Variants in CELF2 observed in about 807,000 individuals in gnomAD.
CELF2 encodes the protein CUG triplet repeat RNA-binding protein 2.
Under a neutral mutation model 62.6 loss-of-function variants are expected in CELF2, and 8 were observed. The observed-to-expected ratio is 0.13, with a 90% CI of 0.07 to 0.23. CELF2 has a LOEUF of 0.23. CELF2 is among the 10% of genes least tolerant of loss of function. The probability of loss-of-function intolerance (pLI) is 1.00; values close to 1 mark genes in which losing one functional copy is unlikely to be tolerated. For synonymous variants in CELF2, 258 were observed against 250.0 expected, an observed-to-expected ratio of 1.03 and a Z score of -0.30; for missense variants, 333 against 671.0, an observed-to-expected ratio of 0.50 and a Z score of 5.56.
the CELF2 span, among the ~76,000 whole-genome samples, chr10:10,490,643 A>G: frequency 6.6e-6 from 1 of 152,168 alleles, no homozygotes; most frequent in Non-Finnish European, 1.5e-5. Flanking sequence ...GTACACACAC[A>G]TTACATAAAA....
At chr10:10,580,699 A>C in the CELF2 span, among the ~76,000 whole-genome samples, 2 of 152,264 alleles carry the variant, frequency 1.3e-5, no homozygotes, top group Non-Finnish European at 2.9e-5. Flanking sequence ...ACATTAGAGA[A>C]AATAGAATCT....
chr10:11,128,885 A>C (rs529510685), intron 1 of CELF2, among the ~76,000 whole-genome samples: 1 of 152,288 alleles, frequency 6.6e-6, no homozygotes, highest in African/African-American at 2.4e-5. Context: ...CTCTTGACTG[A>C]TTGCCCTGGC....
intron 2 of CELF2, among the ~76,000 whole-genome samples, chr10:11,181,225 T>C (rs2073270137): frequency 6.6e-6 from 1 of 152,172 alleles, no homozygotes; most frequent in African/African-American, 2.4e-5. Flanking sequence ...CTTTTAACCA[T>C]GACATTGTCC....
the CELF2 span, among the ~76,000 whole-genome samples, chr10:10,751,658 G>A: frequency 6.6e-6 from 1 of 152,152 alleles, no homozygotes; most frequent in Non-Finnish European, 1.5e-5. Context: ...CCATGACTAA[G>A]CTTTTGTTCA....
intron 2 of CELF2, among the ~76,000 whole-genome samples, chr10:10,962,179 G>A (rs2049585100): frequency 6.6e-6 from 1 of 152,126 alleles, no homozygotes; most frequent in African/African-American, 2.4e-5. Context: ...GAAAAAAGAG[G>A]GAGGCTCTCC....
chr10:10,852,048 TA>T (rs2059413377), intron 1 of CELF2, among the ~76,000 whole-genome samples: 1 of 152,236 alleles, frequency 6.6e-6, no homozygotes, highest in Non-Finnish European at 1.5e-5. Flanking sequence ...TGTAGTTTCT[TA>T]AAAAGTTAAA....
chr10:10,985,665 A>G (rs2052661570), intron 2 of CELF2, among the ~76,000 whole-genome samples: 1 of 152,258 alleles, frequency 6.6e-6, no homozygotes, highest in Non-Finnish European at 1.5e-5. Flanking sequence ...CCGCAGCCAT[A>G]CTTAAATGAT....
chr10:10,658,900 C>A, the CELF2 span, among the ~76,000 whole-genome samples: 1 of 152,038 alleles, frequency 6.6e-6, no homozygotes, highest in African/African-American at 2.4e-5. Context: ...TTTAGAATTA[C>A]AGAAACTACA....
the CELF2 span, among the ~76,000 whole-genome samples, chr10:10,561,928 C>G: frequency 2.0e-5 from 3 of 152,286 alleles, no homozygotes; most frequent in Non-Finnish European, 1.5e-5. Context: ...CCTGCTCTCA[C>G]TTTCTCCTTG....
intron 2 of CELF2, among the ~76,000 whole-genome samples, chr10:10,985,393 G>A (rs1332106932): frequency 1.3e-5 from 2 of 151,196 alleles, no homozygotes; most frequent in Non-Finnish European, 2.9e-5. Flanking sequence ...ATTTGTAATT[G>A]ACAATTAAAT....
At chr10:10,754,535 T>G in the CELF2 span, among the ~76,000 whole-genome samples, 1 of 152,188 alleles carries the variant, frequency 6.6e-6, no homozygotes, top group Non-Finnish European at 1.5e-5. Context: ...GGAAGCATGA[T>G]CAGGAAGAAG....
chr10:11,185,996 C>T lies in CELF2; in HGVS notation c.271+20314C>T, dbSNP rs138478039. Among the ~76,000 whole-genome samples the T allele has an allele frequency of 4.6e-3, 698 of 152,304 alleles. 5 individuals carry two copies. Among genetic ancestry groups the T allele is most frequent in the African/African-American group, 0.016 (665 of 41,550 alleles). On this transcript the variant is annotated intron_variant, in intron 2 of 12. Transcript: ENST00000633077. ...AACTATGTAAGAAGGTTTTTAACTA[C>T]AAATTGAATTTCTTTAGTACCTATA...
the CELF2 span, among the ~76,000 whole-genome samples, chr10:10,502,493 G>A: frequency 6.6e-6 from 1 of 151,902 alleles, no homozygotes; most frequent in Non-Finnish European, 1.5e-5. Flanking sequence ...GTGAATTGTG[G>A]TAGCTTTGTG....
In CELF2 at chr10:10,840,261, G is replaced by C. The variant is rs560688234; in HGVS notation, c.53+41444G>C. ...TTGCTGCAGCATAAGTGAAGACTCT[G>C]TTTAGCTTTGTGAGAAACTGGCAAA... On this transcript the variant is annotated intron_variant, in intron 1 of 13. Transcript: ENST00000636488. 5.3e-5 allele frequency among the ~76,000 whole-genome samples: 8 copies of C among 152,276 alleles called. No homozygotes were observed. In the South Asian group the frequency reaches 1.7e-3, roughly 32 times the overall value.
rs796857171 is a variant in CELF2, at chr10:10,908,214, A to ATTT, written c.54-11729_54-11727dup. On this transcript the variant is annotated intron_variant, in intron 1 of 13. Transcript: ENST00000636488. ...TCCTTGTCAAAGAATGTATGAGGGG[A>ATTT]TTTTTTTTTTTTTTTTTTTTTTTGA... Among the ~76,000 whole-genome samples the ATTT allele has an allele frequency of 3.3e-3, 276 of 83,714 alleles. 31 individuals are homozygous for ATTT. Among genetic ancestry groups the ATTT allele is most frequent in the African/African-American group, 0.013 (258 of 20,620 alleles). 54.9% of individuals were successfully genotyped at this position (83,714 alleles called of 152,430 possible).
At chr10:10,917,222 T>C (rs1329330604) in intron 1 of CELF2, among the ~76,000 whole-genome samples, 3 of 152,192 alleles carry the variant, frequency 2.0e-5, no homozygotes, top group Non-Finnish European at 2.9e-5. Context: ...CAGGTGCTCT[T>C]AGAGGCCTCA....
chr10:11,264,063 A>T (rs146780487), intron 5 of CELF2, among the ~76,000 whole-genome samples: 5 of 152,230 alleles, frequency 3.3e-5, no homozygotes, highest in African/African-American at 1.2e-4. Context: ...ACCACTGCCA[A>T]TAGAATTAAA....
At chr10:11,231,185 C>T (rs530836043) in intron 3 of CELF2, among the ~76,000 whole-genome samples, 43 of 152,316 alleles carry the variant, frequency 2.8e-4, no homozygotes, top group East Asian at 1.7e-3. Flanking sequence ...ATTCTTCCTT[C>T]TTGTGAATCT....
At chr10:10,482,872 C>T in the CELF2 span, among the ~76,000 whole-genome samples, 15 of 152,116 alleles carry the variant, frequency 9.9e-5, no homozygotes, top group Non-Finnish European at 2.2e-4. Flanking sequence ...AAGGACGCCT[C>T]CCCTGTCACT....
Sources: allele counts gnomAD v4.1 joint callset (sites outside exome capture counted in the v4.1 genomes callset), GRCh38; gene constraint gnomAD v4.1.1; transcripts MANE v1.5; gene names NCBI Gene and HGNC (gene_info 2026-07-23, HGNC 2026-07-21).